M1AP: variants seen among roughly 807,000 people sequenced by gnomAD.
M1AP encodes the protein meiosis 1 arrest protein.
In M1AP, 39 loss-of-function variants were observed where a neutral mutation model predicts 51.2. That is an observed-to-expected ratio of 0.76 (90% CI 0.59 to 1.00). M1AP has a LOEUF of 1.00. Ranked by LOEUF, M1AP falls within the 50% of genes least tolerant of loss-of-function variation. The pLI is 0.00. For synonymous variants in M1AP, 251 were observed against 249.2 expected (o/e 1.01, Z -0.07); for missense variants, 545 against 641.2 (o/e 0.85, Z 1.62).
intron 4 of M1AP, among the ~76,000 whole-genome samples, chr2:74,599,235 T>C (rs556348797): frequency 6.6e-5 from 10 of 152,100 alleles, no homozygotes; most frequent in Non-Finnish European, 1.5e-4. Flanking sequence ...GCTGAGATCA[T>C]GCGACTGCAG....
At chr2:74,563,341 T>C (rs1678159300) in intron 7 of M1AP, among the ~76,000 whole-genome samples, 1 of 152,056 alleles carries the variant, frequency 6.6e-6, no homozygotes, top group South Asian at 2.1e-4. Context: ...GGCACACACC[T>C]GTAATCCAGC....
Position 74,635,773 on chromosome 2 carries a change from G to T in M1AP, c.240+4263C>A, listed in dbSNP as rs576393225. On this transcript the variant is annotated intron_variant, in intron 2 of 10. Transcript: ENST00000421985. ...GAAGTGTGTTGTTTAGTTTTCAAGTGTTTGGGGGAATTTTTCTGTTATGTT... is the reference window on the plus strand; with the variant it reads ...GAAGTGTGTTGTTTAGTTTTCAAGTTTTTGGGGGAATTTTTCTGTTATGTT... 2.0e-5 allele frequency among the ~76,000 whole-genome samples: 3 copies of T among 152,178 alleles called. No homozygotes were observed. The East Asian group carries it at 5.8e-4, about 29-fold the overall frequency.
intron 7 of M1AP, among the ~76,000 whole-genome samples, chr2:74,572,189 G>A (rs759799260): frequency 1.3e-5 from 2 of 152,200 alleles, no homozygotes; most frequent in African/African-American, 2.4e-5. Context: ...AGCATAGGGT[G>A]TAAGTGAAGG....
chr2:74,581,526 C>G, intron 5 of M1AP, 148 bp downstream of exon 5: 1 of 700,674 alleles, frequency 1.4e-6, no homozygotes, highest in Non-Finnish European at 2.3e-6. Context: ...TCTTCTTATT[C>G]CTCACGCTTA....
chr2:74,590,171 C>G (rs1279791912), intron 4 of M1AP, among the ~76,000 whole-genome samples: 1 of 152,272 alleles, frequency 6.6e-6, no homozygotes, highest in East Asian at 1.9e-4. Flanking sequence ...AAATATATTT[C>G]TCACCGTTTT....
chr2:74,599,861 C>A (rs1356473258), intron 4 of M1AP, among the ~76,000 whole-genome samples: 5 of 149,698 alleles, frequency 3.3e-5, no homozygotes, highest in African/African-American at 1.2e-4. Flanking sequence ...GAGGTGGAGT[C>A]TTGCTCTCAC....
intron 3 of M1AP, among the ~76,000 whole-genome samples, chr2:74,610,475 G>A (rs560067019): frequency 6.6e-6 from 1 of 152,078 alleles, no homozygotes; most frequent in Non-Finnish European, 1.5e-5. Flanking sequence ...AAGAGTCAGG[G>A]TCTTGCTCTG....
intron 4 of M1AP, among the ~76,000 whole-genome samples, chr2:74,598,773 A>G (rs926489596): frequency 6.6e-6 from 1 of 151,584 alleles, no homozygotes; most frequent in Non-Finnish European, 1.5e-5. Context: ...GGTGCATGCC[A>G]CCATGCCTGG....
At chr2:74,633,319 A>C (rs13402398) in intron 2 of M1AP, among the ~76,000 whole-genome samples, 2 of 152,162 alleles carry the variant, frequency 1.3e-5, no homozygotes, top group South Asian at 4.2e-4. Context: ...GTAAAATTTC[A>C]TTTTAGCAAA....
chr2:74,569,878 GTGTGTGTGTGTGTA>G (rs1346966089), intron 7 of M1AP, among the ~76,000 whole-genome samples: 1 of 149,742 alleles, frequency 6.7e-6, no homozygotes, highest in Admixed American at 6.7e-5. Flanking sequence ...GAGATAATTT[GTGTGTGTGTGTGTA>G]TGTGTGTGTG....
At chr2:74,571,719 A>G (rs1260596123) in intron 7 of M1AP, among the ~76,000 whole-genome samples, 2 of 152,194 alleles carry the variant, frequency 1.3e-5, no homozygotes, top group African/African-American at 2.4e-5. Flanking sequence ...TTTTGCGGCC[A>G]GGCACGGTGG....
chr2:74,563,793 G>A (rs1265935287), intron 7 of M1AP, among the ~76,000 whole-genome samples: 2 of 152,144 alleles, frequency 1.3e-5, no homozygotes, highest in Non-Finnish European at 2.9e-5. Flanking sequence ...GGTGATGGCA[G>A]AGGTTAGGGC....
At chr2:74,630,786 A>G (rs1287899131) in intron 2 of M1AP, among the ~76,000 whole-genome samples, 1 of 152,230 alleles carries the variant, frequency 6.6e-6, no homozygotes, top group Non-Finnish European at 1.5e-5. Context: ...ATAGTGCTGC[A>G]GTAAACACAT....
At position 74,557,899 on chromosome 2, in the gene M1AP, TTTA is replaced by T. The variant is rs1294013819; in HGVS notation, c.*814_*816del. 2.1e-5 allele frequency: 3 copies of T among 145,964 alleles called. No individual in the cohort carries two copies. Among genetic ancestry groups the T allele is most frequent in the Admixed American group, 1.4e-4 (2 of 14,708 alleles). 9.0% of individuals were successfully genotyped at this position (145,964 alleles called of 1,614,324 possible). On this transcript the variant is annotated 3_prime_UTR_variant, in exon 11 of 11. Coordinates refer to ENST00000421985, the MANE Select transcript of M1AP (RefSeq NM_001321739.2). Reference sequence around the variant, plus strand: ...AGCACAGGGTGTTTTTTTAAAAGTTTTTATTATTTATGTAGAGATGGCGGGGGG... The same window carrying T: ...AGCACAGGGTGTTTTTTTAAAAGTTTTTATTTATGTAGAGATGGCGGGGGG...
chr2:74,605,199 T>C (rs1352120814), intron 4 of M1AP, among the ~76,000 whole-genome samples: 1 of 152,220 alleles, frequency 6.6e-6, no homozygotes, highest in Admixed American at 6.5e-5. Flanking sequence ...AAAATGCATA[T>C]ACTGTTTTAC....
intron 2 of M1AP, among the ~76,000 whole-genome samples, chr2:74,627,995 T>A (rs1682496054): frequency 6.6e-6 from 1 of 152,094 alleles, no homozygotes; most frequent in South Asian, 2.1e-4. Flanking sequence ...AATGCAAAGG[T>A]CTCCATTTTA....
intron 2 of M1AP, among the ~76,000 whole-genome samples, chr2:74,626,256 A>ATTTTTTTTTTTTTTTTTTTTTTTT (rs1485849068): frequency 1.5e-5 from 2 of 136,502 alleles, no homozygotes; most frequent in African/African-American, 3.0e-5. Flanking sequence ...GCTATATTTC[A>ATTTTTTTTTTTTTTTTTTTTTTTT]GTTTTTTTTT....
intron 5 of M1AP, among the ~76,000 whole-genome samples, chr2:74,579,367 T>C (rs1679268303): frequency 6.6e-6 from 1 of 152,184 alleles, no homozygotes; most frequent in Admixed American, 6.5e-5. Flanking sequence ...ATATAGTAGA[T>C]AAAGGCCCAG....
intron 2 of M1AP, 102 bp from the exon 3 acceptor site, chr2:74,615,251 C>T (rs1426534925): frequency 9.5e-7 from 1 of 1,057,666 alleles, no homozygotes; most frequent in Non-Finnish European, 1.4e-6. Flanking sequence ...AAGTTCCTTC[C>T]CTTCCTGAAA....
Sources: allele counts gnomAD v4.1 joint callset (sites outside exome capture counted in the v4.1 genomes callset), GRCh38; gene constraint gnomAD v4.1.1; transcripts MANE v1.5; gene names NCBI Gene and HGNC (gene_info 2026-07-23, HGNC 2026-07-21).